ZNF8: variants seen among roughly 807,000 people sequenced by gnomAD.
ZNF8 encodes the protein zinc finger protein 8.
Under a neutral mutation model 12.2 loss-of-function variants are expected in ZNF8, and 9 were observed. That is an observed-to-expected ratio of 0.73 (90% CI 0.44 to 1.28). ZNF8 has a LOEUF of 1.28. ZNF8 is among the 50% of genes most tolerant of loss of function. The probability of loss-of-function intolerance (pLI) is 0.00; values close to 1 mark genes in which losing one functional copy is unlikely to be tolerated. For missense variants in ZNF8, 664 were observed against 729.1 expected (o/e 0.91, Z 1.03); for synonymous variants, 274 against 282.3 (o/e 0.97, Z 0.30).
At chr19:58,279,987 G>A in intron 1 of ZNF8, 1 of 689,908 alleles carries the variant, frequency 1.4e-6, no homozygotes, top group Non-Finnish European at 2.0e-6. Flanking sequence ...TCAGATGTGT[G>A]TTGCTCCAAA....
rs1483899030 is a variant in ZNF8 at position 58,296,427 on chromosome 19, C to G, written c.*891C>G. ...TTGTTTTTTGTCTGAGATGGAGTCTCGCTCCGTCACCCAGGCTGGAGTGCA... is the reference window on the plus strand; with the variant it reads ...TTGTTTTTTGTCTGAGATGGAGTCTGGCTCCGTCACCCAGGCTGGAGTGCA... On this transcript the variant is annotated 3_prime_UTR_variant, in exon 4 of 4. Transcript: ENST00000621650. 1 of 152,050 alleles carries G rather than the reference C, an allele frequency of 6.6e-6. No individual in the cohort carries two copies. The highest frequency in any genetic ancestry group is 2.4e-5 in the African/African-American group (1 of 41,360). 9.4% of individuals were successfully genotyped at this position (152,050 alleles called of 1,614,324 possible). A position where few individuals can be genotyped will look rare whatever the true frequency, so the allele number is the denominator to read the frequency against.
chr19:58,301,403 T>C lies in ZNF8; in HGVS notation c.*5867T>C, dbSNP rs1600466085. ...AGGATGGCCCTAAGAGGAGAAGTAA[T>C]GTGCTACCAAGTGGCCCAGCCAGAG... On this transcript the variant is annotated 3_prime_UTR_variant, in exon 4 of 4. Coordinates refer to ENST00000621650, the MANE Select transcript of ZNF8 (RefSeq NM_021089.3). 6.6e-6 allele frequency: 1 copy of C among 152,238 alleles called. No individual in the cohort carries two copies. The highest frequency in any genetic ancestry group is 1.9e-4 in the East Asian group (1 of 5,206). The allele number at this position is 152,238 out of a possible 1,614,324, so 9.4% of individuals were successfully genotyped here.
chr19:58,286,574 ACT>A (rs1407445044), intron 3 of ZNF8: 1 of 201,538 alleles, frequency 5.0e-6, no homozygotes, highest in Non-Finnish European at 1.0e-5. Context: ...CCACATAGAC[ACT>A]CTCTGCCTAG....
chr19:58,283,955 C>T (rs1271356371), intron 1 of ZNF8, among the ~76,000 whole-genome samples: 1 of 152,116 alleles, frequency 6.6e-6, no homozygotes, highest in Non-Finnish European at 1.5e-5. Flanking sequence ...AAAAAAGCAA[C>T]TTTCTTTATA....
At chr19:58,290,195 G>C (rs970880336) in intron 3 of ZNF8, among the ~76,000 whole-genome samples, 1 of 130,294 alleles carries the variant, frequency 7.7e-6, no homozygotes, top group East Asian at 2.4e-4. Context: ...CTCATTGCAA[G>C]CTCCGCCTCC....
intron 3 of ZNF8, among the ~76,000 whole-genome samples, chr19:58,290,348 T>C (rs1040989749): frequency 6.6e-6 from 1 of 151,028 alleles, no homozygotes; most frequent in African/African-American, 2.4e-5. Context: ...TCTCCTGACC[T>C]CGTGATCCGC....
chr19:58,286,589 C>G (rs1361029284), intron 3 of ZNF8: 2 of 174,506 alleles, frequency 1.1e-5, no homozygotes, highest in African/African-American at 4.7e-5. Context: ...CTGCCTAGCA[C>G]AGACCAAGGT....
chr19:58,294,932 G>A lies in ZNF8; in HGVS notation c.1124G>A (p.Gly375Glu). 1 of 1,614,192 alleles carries A rather than the reference G, an allele frequency of 6.2e-7. No homozygotes were observed. The highest frequency in any genetic ancestry group is 8.5e-7 in the Non-Finnish European group (1 of 1,180,034). ...AAGCCATACACCTGCAGTGTGTGTG[G>A]GAAATCCTTCTCTCGGACCACTTGC... Reference protein sequence around the residue: ...GEKPYTCSVCGKSFSRTTCLF... With the variant: ...GEKPYTCSVCEKSFSRTTCLF... Residue 375 changes from glycine to glutamate, a missense_variant, in exon 4 of 4, where the codon GGG becomes GAG. Gly to Glu is a moderately conservative substitution (Grantham distance 98). Around this residue, in one of 3 missense-constraint regions of ZNF8, gnomAD observed 133 missense variants for 198.4 expected, o/e 0.67. Coordinates refer to ENST00000621650, the MANE Select transcript of ZNF8 (RefSeq NM_021089.3). This position sits in a 1 kb window ranked among gnomAD's most constrained non-coding sequence, Gnocchi z 5.5.
At chr19:58,287,639 T>G (rs1003404241) in intron 3 of ZNF8, among the ~76,000 whole-genome samples, 1 of 30,060 alleles carries the variant, frequency 3.3e-5, no homozygotes, top group East Asian at 7.2e-4. Context: ...GCACCTGGCC[T>G]TTTTTTTTTT....
chr19:58,295,464 T>C lies in ZNF8; in HGVS notation c.1656T>C (p.Pro552=), dbSNP rs747280770. 24 of 1,613,384 alleles carry C rather than the reference T, an allele frequency of 1.5e-5. No homozygotes were observed. The highest frequency in any genetic ancestry group is 2.0e-5 in the Non-Finnish European group (24 of 1,179,976). ...DIQKIMQEKN[P]VHVIGVEEPS... Reference sequence around the variant, plus strand: ...AAAAAATCATGCAAGAGAAAAACCCTGTGCACGTTATTGGGGTGGAAGAGC... The same window carrying C: ...AAAAAATCATGCAAGAGAAAAACCCCGTGCACGTTATTGGGGTGGAAGAGC... Residue 552 remains proline, a synonymous_variant, in exon 4 of 4, where the codon CCT becomes CCC. Coordinates refer to ENST00000621650, the MANE Select transcript of ZNF8 (RefSeq NM_021089.3).
intron 1 of ZNF8, 174 bp downstream of exon 1, chr19:58,279,321 G>A (rs1442884933): frequency 6.7e-7 from 1 of 1,488,694 alleles, no homozygotes; most frequent in African/African-American, 1.4e-5. Flanking sequence ...GTCAGAGAGG[G>A]GGCCGGGATT....
At chr19:58,288,023 CTTT>C (rs11285289) in intron 3 of ZNF8, among the ~76,000 whole-genome samples, 197 of 135,852 alleles carry the variant, frequency 1.5e-3, no homozygotes, top group Non-Finnish European at 1.8e-3. Context: ...TTTGTGTGTC[CTTT>C]TTTTTTTTTT....
At chr19:58,279,582 C>T (rs776512000) in intron 1 of ZNF8, 3 of 1,532,390 alleles carry the variant, frequency 2.0e-6, no homozygotes, top group Non-Finnish European at 2.6e-6. Flanking sequence ...AGTCAGCGGA[C>T]ACCCACCGGG....
Position 58,279,386 on chromosome 19 carries a change from C to T in ZNF8, c.66+239C>T, listed in dbSNP as rs868661816. The T allele has an allele frequency of 2.3e-5, 33 of 1,451,110 alleles. No homozygotes were observed. The Middle Eastern group carries it at 4.9e-3, about 217-fold the overall frequency. The allele number at this position is 1,451,110 out of a possible 1,614,324, so 89.9% of individuals were successfully genotyped here. ...ATGCTCCACGCGGCTCTGTCCTCCCCAGGGCTGGGGTCGGTCATTCCCGAG... is the reference window on the plus strand; with the variant it reads ...ATGCTCCACGCGGCTCTGTCCTCCCTAGGGCTGGGGTCGGTCATTCCCGAG... On this transcript the variant is annotated intron_variant, in intron 1 of 3. Coordinates refer to ENST00000621650, the MANE Select transcript of ZNF8 (RefSeq NM_021089.3).
chr19:58,292,618 TTCTC>T (rs969095424), intron 3 of ZNF8, among the ~76,000 whole-genome samples: 7 of 152,310 alleles, frequency 4.6e-5, no homozygotes, highest in East Asian at 1.9e-4. Flanking sequence ...GTAACCTACT[TTCTC>T]TCTCTATGGA....
Position 58,294,968 on chromosome 19 carries a change from A to G in ZNF8, c.1160A>G (p.His387Arg), listed in dbSNP as rs2051443894. Residue 387 changes from histidine (H) to arginine (R), a missense_variant, in exon 4 of 4, where the codon CAC (histidine) becomes CGC (arginine). Physicochemically the swap from His to Arg is conservative, Grantham distance 29. Transcript: ENST00000621650. This position sits in a 1 kb window ranked among gnomAD's most constrained non-coding sequence, Gnocchi z 5.5. ...SFSRTTCLFL[H>R]LRTHTEERPY... ...TCTCGGACCACTTGCCTTTTCCTGC[A>G]CCTGAGAACTCACACCGAGGAGAGG... 6.2e-7 allele frequency: 1 copy of G among 1,614,114 alleles called. No homozygotes were observed. The highest frequency in any genetic ancestry group is 8.5e-7 in the Non-Finnish European group (1 of 1,179,982).
chr19:58,285,108 C>CA (rs1348227179), intron 1 of ZNF8, among the ~76,000 whole-genome samples: 1 of 151,924 alleles, frequency 6.6e-6, no homozygotes, highest in Non-Finnish European at 1.5e-5. Context: ...TTTCTGACCC[C>CA]AGCCCTGTGT....
Position 58,295,670 on chromosome 19 carries a change from C to G in ZNF8, c.*134C>G. ...TGACTTTCTAAGGAAATGATGCTTC[C>G]CAAGCACCCGAGGTTGGTTGGTCCC... On this transcript the variant is annotated 3_prime_UTR_variant, in exon 4 of 4. Transcript: ENST00000621650. 1.2e-6 allele frequency: 1 copy of G among 804,464 alleles called. No homozygotes were observed. Among genetic ancestry groups the G allele is most frequent in the Non-Finnish European group, 1.9e-6 (1 of 515,746 alleles). The allele number at this position is 804,464 out of a possible 1,614,324, so 49.8% of individuals were successfully genotyped here. A position where few individuals can be genotyped will look rare whatever the true frequency, so the allele number is the denominator to read the frequency against.
chr19:58,286,538 A>C, intron 3 of ZNF8: 1 of 230,386 alleles, frequency 4.3e-6, no homozygotes, highest in South Asian at 6.6e-5. Flanking sequence ...TAAGAGACTC[A>C]GTGCTAGGAG....
Sources: gnomAD v4.1 joint callset for allele counts (sites outside exome capture counted in the v4.1 genomes callset) on GRCh38, gnomAD v4.1.1 for gene constraint, gnomAD v4.1.1 regional missense constraint, Gnocchi (gnomAD v3.1) non-coding constraint, MANE v1.5 for transcripts, NCBI Gene and HGNC (gene_info 2026-07-23, HGNC 2026-07-21) for gene names.